Variants in MYBL1 observed in about 807,000 individuals in gnomAD.
The protein encoded by MYBL1 is MYB proto-oncogene like 1, also known as myb-related protein A.
MYBL1 carries 17 observed loss-of-function variants against 96.3 expected under a neutral mutation model. That is an observed-to-expected ratio of 0.18 (90% CI 0.12 to 0.26). MYBL1 has a LOEUF of 0.26. Among genes scored for constraint, MYBL1 ranks in the 10% least tolerant of loss-of-function variants. The pLI is 1.00. For synonymous variants in MYBL1, 282 were observed against 292.7 expected (o/e 0.96, Z 0.37); for missense variants, 701 against 882.9 (o/e 0.79, Z 2.61).
intron 8 of MYBL1, among the ~76,000 whole-genome samples, chr8:66,592,187 C>T (rs892984314): frequency 6.6e-6 from 1 of 151,966 alleles, no homozygotes; most frequent in African/African-American, 2.4e-5. Flanking sequence ...ATCATTTGAG[C>T]CCAGGAGGTC....
chr8:66,565,966 G>C (rs1198634871), intron 15 of MYBL1, 98 bp downstream of exon 15: 2 of 861,846 alleles, frequency 2.3e-6, no homozygotes, highest in Non-Finnish European at 3.5e-6. Flanking sequence ...AATCAATTTT[G>C]AATTTAAAAG....
intron 8 of MYBL1, among the ~76,000 whole-genome samples, chr8:66,592,178 T>A (rs1306532902): frequency 3.3e-5 from 5 of 152,024 alleles, no homozygotes; most frequent in African/African-American, 1.2e-4. Flanking sequence ...AGGTGGGGCA[T>A]CATTTGAGCC....
intron 8 of MYBL1, among the ~76,000 whole-genome samples, chr8:66,584,982 A>T (rs1473358639): frequency 6.6e-6 from 1 of 152,202 alleles, no homozygotes; most frequent in African/African-American, 2.4e-5. Flanking sequence ...TCTACGGTTC[A>T]GTGCAATCTT....
At chr8:66,607,699 C>CCA (rs998544098) in intron 1 of MYBL1, among the ~76,000 whole-genome samples, 1 of 117,866 alleles carries the variant, frequency 8.5e-6, no homozygotes, top group African/African-American at 2.9e-5. Context: ...TTTCAAAACC[C>CCA]AAAAAAAAAA....
rs1356973055 is a variant in MYBL1, at chr8:66,563,866, T to C, written c.*831A>G. ...ACTGTTTCATACTTAAAGTCAAAAT[T>C]ATTCTTTACTGTGTTAGCTGTAATA... On this transcript the variant is annotated 3_prime_UTR_variant, in exon 16 of 16. Coordinates refer to ENST00000522677, the MANE Select transcript of MYBL1 (RefSeq NM_001080416.4). 3.3e-5 allele frequency: 5 copies of C among 152,486 alleles called. No homozygotes were observed. The East Asian group carries it at 9.6e-4, about 29-fold the overall frequency. 9.4% of individuals were successfully genotyped at this position (152,486 alleles called of 1,614,324 possible). A position where few individuals can be genotyped will look rare whatever the true frequency, so the allele number is the denominator to read the frequency against.
intron 1 of MYBL1, among the ~76,000 whole-genome samples, chr8:66,611,937 T>C (rs1810545679): frequency 6.6e-6 from 1 of 152,222 alleles, no homozygotes; most frequent in Non-Finnish European, 1.5e-5. Context: ...GTTTATTTGA[T>C]AATGCTGAAA....
intron 12 of MYBL1, among the ~76,000 whole-genome samples, chr8:66,571,759 T>C (rs1420315443): frequency 6.6e-6 from 1 of 151,324 alleles, no homozygotes; most frequent in Non-Finnish European, 1.5e-5. Context: ...CGCAAGCCTG[T>C]AGTCCAAGCT....
chr8:66,597,657 T>A, intron 4 of MYBL1, 107 bp from the exon 5 acceptor site: 1 of 689,026 alleles, frequency 1.5e-6, no homozygotes, highest in Non-Finnish European at 2.3e-6. Flanking sequence ...AAGCCACAAC[T>A]ACAATTTGTT....
intron 8 of MYBL1, among the ~76,000 whole-genome samples, chr8:66,591,961 C>T (rs1365365982): frequency 6.6e-6 from 1 of 151,908 alleles, no homozygotes; most frequent in Non-Finnish European, 1.5e-5. Context: ...CAAAGAAATG[C>T]ATATCAAAAT....
intron 1 of MYBL1, among the ~76,000 whole-genome samples, chr8:66,607,595 T>C (rs1209738581): frequency 2.0e-5 from 3 of 151,868 alleles, no homozygotes; most frequent in South Asian, 4.2e-4. Flanking sequence ...CTTCAATACA[T>C]GTGATCTCAA....
At chr8:66,599,447 A>G (rs2129990502) in intron 3 of MYBL1, among the ~76,000 whole-genome samples, 1 of 152,342 alleles carries the variant, frequency 6.6e-6, no homozygotes, top group African/African-American at 2.4e-5. Flanking sequence ...AAATAAAGAA[A>G]TGGATTTAAC....
chr8:66,606,434 A>G (rs926234466), intron 1 of MYBL1, among the ~76,000 whole-genome samples: 1 of 152,246 alleles, frequency 6.6e-6, no homozygotes, highest in Non-Finnish European at 1.5e-5. Flanking sequence ...CTGATTTCAC[A>G]GAGCAAAATT....
At chr8:66,593,317 A>T (rs537856295) in intron 6 of MYBL1, 123 bp from the exon 7 acceptor site, 7 of 559,916 alleles carry the variant, frequency 1.3e-5, no homozygotes, top group Non-Finnish European at 2.2e-5. Flanking sequence ...ACCTGTATTA[A>T]TTTTGAAATG....
At chr8:66,573,529 A>G (rs1423087573) in intron 10 of MYBL1, 23 bp from the exon 11 acceptor site, 1 of 1,574,812 alleles carries the variant, frequency 6.3e-7, no homozygotes, top group Admixed American at 1.9e-5. Flanking sequence ...GAGAGTTTAA[A>G]GACGACTTCT....
chr8:66,605,460 G>T (rs2130046754), intron 1 of MYBL1, among the ~76,000 whole-genome samples: 1 of 152,234 alleles, frequency 6.6e-6, no homozygotes, highest in South Asian at 2.1e-4. Flanking sequence ...AGTTTTGATG[G>T]AGTAAAAAAA....
rs781397136 is a variant in MYBL1 at position 66,595,566 on chromosome 8, G to T, written c.687+17C>A. 16 of 1,440,974 alleles carry T rather than the reference G, an allele frequency of 1.1e-5. No homozygotes were observed. Among genetic ancestry groups the T allele is most frequent in the African/African-American group, 1.5e-5 (1 of 68,058 alleles). 89.3% of individuals were successfully genotyped at this position (1,440,974 alleles called of 1,614,324 possible). A position where few individuals can be genotyped will look rare whatever the true frequency, so the allele number is the denominator to read the frequency against. On this transcript the variant is annotated intron_variant, in intron 6 of 15. Coordinates refer to ENST00000522677, the MANE Select transcript of MYBL1 (RefSeq NM_001080416.4). ...TAAGAAAATTTTTTAAATAATAAAG[G>T]TATTAAAAGTATGTGCCTGAACAGG...
chr8:66,594,699 A>G (rs1809783889), intron 6 of MYBL1, among the ~76,000 whole-genome samples: 1 of 152,198 alleles, frequency 6.6e-6, no homozygotes, highest in Non-Finnish European at 1.5e-5. Context: ...TCAGCAGATA[A>G]TTATACTGTC....
Position 66,602,421 on chromosome 8 carries a change from G to A in MYBL1, c.123C>T (p.Asp41=), listed in dbSNP as rs747299413. The A allele has an allele frequency of 1.0e-5, 16 of 1,577,260 alleles. No individual in the cohort carries two copies. The East Asian group carries it at 1.4e-4, about 13-fold the overall frequency. The change falls in exon 2 of 16, where the codon GAC becomes GAT. Residue 41 remains aspartate (D), a synonymous_variant. Transcript: ENST00000522677. ...KLWNRVKWTR[D]EDDKLKKLVE... The stretch of plus-strand genomic sequence containing the variant: ...TGAAACCTTGTCAGATAATTACCTC[G>A]TCCCTTGTCCATTTTACTCTGTTCC...
chr8:66,595,859 G>A (rs1474203144), intron 5 of MYBL1, 102 bp from the exon 6 acceptor site: 1 of 622,136 alleles, frequency 1.6e-6, no homozygotes, highest in Non-Finnish European at 2.5e-6. Flanking sequence ...TTACACTGAT[G>A]AAATTAGATA....
Sources: allele counts gnomAD v4.1 joint callset (sites outside exome capture counted in the v4.1 genomes callset), GRCh38; gene constraint gnomAD v4.1.1; transcripts MANE v1.5; gene names NCBI Gene and HGNC (gene_info 2026-07-23, HGNC 2026-07-21).